AGMO: variants seen among roughly 807,000 people sequenced by gnomAD.
AGMO encodes alkylglycerol monooxygenase, also known as glyceryl-ether monooxygenase.
In AGMO, 75 loss-of-function variants were observed where a neutral mutation model predicts 60.2. That is an observed-to-expected ratio of 1.25 (90% CI 1.03 to 1.51). The LOEUF (loss-of-function observed/expected upper bound fraction) is 1.51. AGMO is among the 40% of genes most tolerant of loss of function. AGMO has a pLI of 0.00. For missense variants in AGMO, 763 were observed against 525.5 expected, an observed-to-expected ratio of 1.45 and a Z score of -4.42; for synonymous variants, 261 against 177.1, an observed-to-expected ratio of 1.47 and a Z score of -3.76.
chr7:15,543,992 C>T (rs1368572593), intron 3 of AGMO, among the ~76,000 whole-genome samples: 1 of 151,736 alleles, frequency 6.6e-6, no homozygotes, highest in African/African-American at 2.4e-5. Flanking sequence ...AAGAAATGAG[C>T]AGATAAAGAA....
At chr7:15,511,093 C>T (rs965571069) in intron 3 of AGMO, among the ~76,000 whole-genome samples, 1 of 151,964 alleles carries the variant, frequency 6.6e-6, no homozygotes, top group African/African-American at 2.4e-5. Context: ...AAAGTAAGAT[C>T]GTGTTCACCC....
chr7:15,354,379 T>TATAGACGTGTGTGTAC lies in AGMO; in HGVS notation c.1263+11134_1263+11135insGTACACACACGTCTAT, dbSNP rs1186632664. ...AGACGTGTGTATATAGACGTGTGTA[T>TATAGACGTGTGTGTAC]ACACGTGTGTGTATACACGTGTGTG... On this transcript the variant is annotated intron_variant, in intron 12 of 12. Transcript: ENST00000342526. Among the ~76,000 whole-genome samples the TATAGACGTGTGTGTAC allele has an allele frequency of 7.4e-5, 4 of 54,384 alleles. 1 individual carries two copies. Among genetic ancestry groups the TATAGACGTGTGTGTAC allele is most frequent in the African/African-American group, 1.3e-4 (1 of 7,724 alleles). The allele number at this position is 54,384 out of a possible 152,430, so 35.7% of individuals were successfully genotyped here. A position where few individuals can be genotyped will look rare whatever the true frequency, so the allele number is the denominator to read the frequency against.
At chr7:15,396,002 CCATCAT>C (rs758439264) in intron 5 of AGMO, 1 of 152,132 alleles carries the variant, frequency 6.6e-6, no homozygotes, top group African/African-American at 2.4e-5. Context: ...GGGACAGGAG[CCATCAT>C]CATCATCATC....
chr7:15,204,016 T>C (rs1483588992), intron 12 of AGMO, among the ~76,000 whole-genome samples: 1 of 152,104 alleles, frequency 6.6e-6, no homozygotes, highest in Non-Finnish European at 1.5e-5. Flanking sequence ...AAATCCAGAT[T>C]GGCAAAGGAT....
chr7:15,550,277 A>T (rs947209431), intron 2 of AGMO, among the ~76,000 whole-genome samples: 2 of 151,820 alleles, frequency 1.3e-5, no homozygotes, highest in Non-Finnish European at 2.9e-5. Context: ...AAGAGCAAAC[A>T]CATTCAAAAG....
intron 3 of AGMO, among the ~76,000 whole-genome samples, chr7:15,476,576 T>C (rs1267607046): frequency 6.6e-6 from 1 of 152,134 alleles, no homozygotes; most frequent in Non-Finnish European, 1.5e-5. Context: ...TTTGTGGTGA[T>C]AATTGTTTCT....
intron 12 of AGMO, among the ~76,000 whole-genome samples, chr7:15,327,740 CTTTTTTTT>C (rs546851399): frequency 1.9e-4 from 17 of 88,014 alleles, no homozygotes; most frequent in East Asian, 9.6e-4. Context: ...TGATTTCTTT[CTTTTTTTT>C]TTTTTTTTTT....
chr7:15,518,182 A>G (rs1783874827), intron 3 of AGMO, among the ~76,000 whole-genome samples: 1 of 152,116 alleles, frequency 6.6e-6, no homozygotes, highest in Non-Finnish European at 1.5e-5. Flanking sequence ...CTTACTACAT[A>G]GATAAAACTC....
intron 3 of AGMO, among the ~76,000 whole-genome samples, chr7:15,484,473 T>C (rs1039037991): frequency 1.3e-5 from 2 of 152,204 alleles, no homozygotes; most frequent in African/African-American, 4.8e-5. Flanking sequence ...GATGGCTATC[T>C]GGATGGTGGA....
chr7:15,310,498 T>C (rs1362293000), intron 12 of AGMO, among the ~76,000 whole-genome samples: 1 of 152,150 alleles, frequency 6.6e-6, no homozygotes, highest in East Asian at 1.9e-4. Flanking sequence ...CAAAATTAAA[T>C]AATTGGATCA....
At chr7:15,229,373 G>A (rs1782183954) in intron 12 of AGMO, among the ~76,000 whole-genome samples, 1 of 151,562 alleles carries the variant, frequency 6.6e-6, no homozygotes, top group Non-Finnish European at 1.5e-5. Flanking sequence ...GATTCTAAGG[G>A]TTCGAATACA....
intron 3 of AGMO, among the ~76,000 whole-genome samples, chr7:15,456,938 A>G (rs1276628113): frequency 2.0e-5 from 3 of 152,108 alleles, no homozygotes; most frequent in Non-Finnish European, 4.4e-5. Context: ...TCTTATTACT[A>G]CAATTTTCAA....
the AGMO span, among the ~76,000 whole-genome samples, chr7:15,140,123 A>G: frequency 4.6e-5 from 7 of 151,710 alleles, no homozygotes; most frequent in African/African-American, 7.2e-5. Flanking sequence ...AAAATATGCC[A>G]TAAAATGTAG....
chr7:15,193,597 A>T, the AGMO span, among the ~76,000 whole-genome samples: 1 of 152,170 alleles, frequency 6.6e-6, no homozygotes, highest in Non-Finnish European at 1.5e-5. Context: ...AATAGGGATC[A>T]ATTTCAATAT....
chr7:15,278,638 G>A (rs1210074605), intron 12 of AGMO, among the ~76,000 whole-genome samples: 10 of 152,202 alleles, frequency 6.6e-5, no homozygotes, highest in Non-Finnish European at 1.2e-4. Flanking sequence ...ACTGGCAGCT[G>A]TGTAATACAC....
intron 12 of AGMO, among the ~76,000 whole-genome samples, chr7:15,362,530 A>G (rs1335259147): frequency 2.6e-5 from 4 of 152,136 alleles, no homozygotes; most frequent in Admixed American, 6.5e-5. Context: ...GTGGCACTTC[A>G]TTTTTCCACC....
intron 12 of AGMO, among the ~76,000 whole-genome samples, chr7:15,315,604 G>T (rs1397686422): frequency 1.3e-5 from 2 of 152,046 alleles, no homozygotes; most frequent in Non-Finnish European, 2.9e-5. Context: ...CCACAGGCAT[G>T]AGCCACTGTG....
At chr7:15,188,358 T>C in the AGMO span, among the ~76,000 whole-genome samples, 1 of 152,306 alleles carries the variant, frequency 6.6e-6, no homozygotes, top group South Asian at 2.1e-4. Context: ...AGTTAGTGAA[T>C]GTAAGATACT....
At chr7:15,539,656 C>T (rs1433308253) in intron 3 of AGMO, among the ~76,000 whole-genome samples, 2 of 152,156 alleles carry the variant, frequency 1.3e-5, no homozygotes, top group Non-Finnish European at 2.9e-5. Context: ...GGCATATACT[C>T]AATAACTGGA....
Sources: allele counts gnomAD v4.1 joint callset (sites outside exome capture counted in the v4.1 genomes callset), GRCh38; gene constraint gnomAD v4.1.1; transcripts MANE v1.5; gene names NCBI Gene and HGNC (gene_info 2026-07-23, HGNC 2026-07-21).